Variants in C7orf78 observed in about 807,000 individuals in gnomAD.
The protein encoded by C7orf78 is chromosome 7 open reading frame 78.
chr7:12,501,302 C>A, the C7orf78 span, among the ~76,000 whole-genome samples: 1 of 147,700 alleles, frequency 6.8e-6, no homozygotes, highest in Non-Finnish European at 1.5e-5. Context: ...TCCCTGTTTG[C>A]AGATGACATG....
the C7orf78 span, among the ~76,000 whole-genome samples, chr7:12,507,754 G>A: frequency 2.6e-5 from 4 of 152,206 alleles, no homozygotes; most frequent in African/African-American, 9.6e-5. Context: ...AGACAAGGTT[G>A]TAGTGTATTT....
chr7:12,528,807 C>T, the C7orf78 span: 1 of 396,294 alleles, frequency 2.5e-6, no homozygotes, highest in Non-Finnish European at 4.4e-6. Context: ...CTTACCACTC[C>T]TGGGTCCTGA....
At chr7:12,539,730 G>A in the C7orf78 span, among the ~76,000 whole-genome samples, 1 of 152,334 alleles carries the variant, frequency 6.6e-6, no homozygotes, top group East Asian at 1.9e-4. Flanking sequence ...CAGTCAAGGA[G>A]ATGAGAGCTC....
chr7:12,540,457 C>T, the C7orf78 span, among the ~76,000 whole-genome samples: 1 of 152,146 alleles, frequency 6.6e-6, no homozygotes, highest in Non-Finnish European at 1.5e-5. Context: ...ATAGGCATAA[C>T]CTCACTCAAT....
At chr7:12,509,402 C>T in the C7orf78 span, among the ~76,000 whole-genome samples, 2 of 152,154 alleles carry the variant, frequency 1.3e-5, no homozygotes, top group African/African-American at 4.8e-5. Flanking sequence ...TGTGTATGTA[C>T]TGGTCATTAT....
At chr7:12,526,714 A>G in the C7orf78 span, among the ~76,000 whole-genome samples, 37 of 152,290 alleles carry the variant, frequency 2.4e-4, no homozygotes, top group Non-Finnish European at 4.7e-4. Flanking sequence ...CTTTCCTAGT[A>G]TATGCTATGT....
chr7:12,499,081 G>A, the C7orf78 span, among the ~76,000 whole-genome samples: 3 of 152,028 alleles, frequency 2.0e-5, no homozygotes, highest in Non-Finnish European at 4.4e-5. Flanking sequence ...GCTCCTGAAG[G>A]AAGCGCTAAA....
At chr7:12,503,982 C>T in the C7orf78 span, among the ~76,000 whole-genome samples, 1 of 152,110 alleles carries the variant, frequency 6.6e-6, no homozygotes, top group Non-Finnish European at 1.5e-5. Flanking sequence ...AAATTAAGAT[C>T]TGTAGGTTGA....
chr7:12,538,434 A>AGAAACAGGGGCAAAAAGCTCAG, the C7orf78 span: 1 of 152,182 alleles, frequency 6.6e-6, no homozygotes, highest in Non-Finnish European at 1.5e-5. Context: ...GAGAAATGGA[A>AGAAACAGGGGCAAAAAGCTCAG]GAAACAGGGG....
the C7orf78 span, chr7:12,523,304 G>C: frequency 2.5e-6 from 1 of 398,372 alleles, no homozygotes; most frequent in Non-Finnish European, 4.4e-6. Flanking sequence ...GGAGGTTACA[G>C]CTCCTAAATT....
chr7:12,502,885 A>G, the C7orf78 span, among the ~76,000 whole-genome samples: 1 of 149,548 alleles, frequency 6.7e-6, no homozygotes, highest in Non-Finnish European at 1.5e-5. Flanking sequence ...CATATACACC[A>G]TGGAATACTA....
chr7:12,495,131 G>C, the C7orf78 span, among the ~76,000 whole-genome samples: 4 of 152,194 alleles, frequency 2.6e-5, no homozygotes, highest in Admixed American at 2.0e-4. Flanking sequence ...GTCCAACAGA[G>C]TGTCCTGGGC....
the C7orf78 span, among the ~76,000 whole-genome samples, chr7:12,529,275 G>A: frequency 6.6e-6 from 1 of 152,144 alleles, no homozygotes; most frequent in Non-Finnish European, 1.5e-5. Flanking sequence ...GTGTATTCCA[G>A]TGGGAAAATA....
the C7orf78 span, chr7:12,505,993 A>G: frequency 3.3e-5 from 5 of 152,690 alleles, no homozygotes; most frequent in Admixed American, 1.3e-4. Flanking sequence ...TTCTTTTAAA[A>G]TGTGGCATAG....
chr7:12,516,968 G>A, the C7orf78 span, among the ~76,000 whole-genome samples: 1 of 152,150 alleles, frequency 6.6e-6, no homozygotes, highest in Non-Finnish European at 1.5e-5. Flanking sequence ...TGGGTTTAAT[G>A]CTGAAATGAG....
At chr7:12,519,163 C>A in the C7orf78 span, among the ~76,000 whole-genome samples, 1 of 152,128 alleles carries the variant, frequency 6.6e-6, no homozygotes, top group East Asian at 1.9e-4. Context: ...CCACCCACAA[C>A]CCAAACATGT....
At chr7:12,490,212 T>C in the C7orf78 span, among the ~76,000 whole-genome samples, 30 of 152,266 alleles carry the variant, frequency 2.0e-4, no homozygotes, top group African/African-American at 7.0e-4. Context: ...ATTTTACTTC[T>C]GATGTAACTG....
the C7orf78 span, among the ~76,000 whole-genome samples, chr7:12,529,276 T>C: frequency 2.0e-5 from 3 of 152,200 alleles, no homozygotes; most frequent in Non-Finnish European, 4.4e-5. Context: ...TGTATTCCAG[T>C]GGGAAAATAT....
chr7:12,532,338 T>C, the C7orf78 span, among the ~76,000 whole-genome samples: 3 of 152,044 alleles, frequency 2.0e-5, no homozygotes, highest in Non-Finnish European at 4.4e-5. Flanking sequence ...TCACGAGGTC[T>C]GGAGTTCGAG....
Sources: gnomAD v4.1 joint callset for allele counts (sites outside exome capture counted in the v4.1 genomes callset) on GRCh38, gnomAD v4.1.1 for gene constraint, MANE v1.5 for transcripts, NCBI Gene and HGNC (gene_info 2026-07-23, HGNC 2026-07-21) for gene names.